SPATA16: variants seen among roughly 807,000 people sequenced by gnomAD.
The protein encoded by SPATA16 is spermatogenesis-associated protein 16.
In SPATA16, 36 loss-of-function variants were observed where a neutral mutation model predicts 63.3. The observed-to-expected ratio is 0.57, with a 90% CI of 0.44 to 0.75. SPATA16 has a LOEUF of 0.75. Ranked by LOEUF, SPATA16 falls within the 30% of genes least tolerant of loss-of-function variation. The pLI is 0.00. For missense variants in SPATA16, 646 were observed against 679.3 expected (o/e 0.95, Z 0.54); for synonymous variants, 203 against 216.7 (o/e 0.94, Z 0.56).
At chr3:172,986,739 G>C (rs13084672) in intron 4 of SPATA16, among the ~76,000 whole-genome samples, 12,978 of 152,216 alleles carry the variant, frequency 0.085, 736 homozygotes, top group East Asian at 0.15. Context: ...ATGGGGAGCT[G>C]TTGTACGGTT....
intron 6 of SPATA16, among the ~76,000 whole-genome samples, chr3:172,948,591 C>T (rs557030849): frequency 1.1e-4 from 16 of 152,138 alleles, no homozygotes; most frequent in Admixed American, 7.2e-4. Flanking sequence ...CTCAGCCACC[C>T]GAGTAGCTGG....
chr3:172,902,462 C>T (rs927004809), intron 10 of SPATA16, among the ~76,000 whole-genome samples: 4 of 152,166 alleles, frequency 2.6e-5, no homozygotes, highest in Non-Finnish European at 5.9e-5. Context: ...ACCCCTGTGC[C>T]TTAGGAAGAT....
At chr3:173,126,592 T>C (rs59371998) in intron 1 of SPATA16, among the ~76,000 whole-genome samples, 16,737 of 152,312 alleles carry the variant, frequency 0.11, 1,166 homozygotes, top group East Asian at 0.32. Context: ...ACTCTTTAAT[T>C]CTTTTTATAA....
At chr3:173,073,362 C>T (rs1736716821) in intron 2 of SPATA16, among the ~76,000 whole-genome samples, 1 of 152,216 alleles carries the variant, frequency 6.6e-6, no homozygotes, top group Non-Finnish European at 1.5e-5. Context: ...TGTCAGAGAC[C>T]TTCATGGCAG....
chr3:172,898,664 G>C (rs1370472588), intron 10 of SPATA16, among the ~76,000 whole-genome samples: 1 of 150,800 alleles, frequency 6.6e-6, no homozygotes, highest in African/African-American at 2.4e-5. Context: ...CAAAGAACCA[G>C]CTCCTTGTGG....
intron 10 of SPATA16, among the ~76,000 whole-genome samples, chr3:172,898,623 G>T (rs1732059360): frequency 6.9e-6 from 1 of 145,030 alleles, no homozygotes; most frequent in Non-Finnish European, 1.5e-5. Context: ...AGTCTTGCTA[G>T]ATTTTTTTTT....
chr3:173,123,336 G>A (rs1738134387), intron 1 of SPATA16, among the ~76,000 whole-genome samples: 1 of 152,124 alleles, frequency 6.6e-6, no homozygotes. Context: ...TACCAGGAGA[G>A]TTTACCAAAC....
chr3:173,009,475 G>A (rs569981807), intron 4 of SPATA16, among the ~76,000 whole-genome samples: 3 of 152,352 alleles, frequency 2.0e-5, no homozygotes, highest in African/African-American at 7.2e-5. Context: ...GACACAGAGA[G>A]CTGCCTGGAA....
At chr3:172,913,560 C>G (rs900155542) in intron 10 of SPATA16, 101 bp downstream of exon 10, 3 of 1,182,940 alleles carry the variant, frequency 2.5e-6, no homozygotes, top group South Asian at 1.3e-5. Flanking sequence ...AAAAACAAAC[C>G]AAAGAACTTG....
chr3:173,076,396 A>T (rs7618086), intron 2 of SPATA16, among the ~76,000 whole-genome samples: 4,111 of 149,092 alleles, frequency 0.028, 184 homozygotes, highest in African/African-American at 0.094. Context: ...TTAGTATAAA[A>T]TTTTTTTTTT....
chr3:173,137,554 C>T (rs1417625167), intron 1 of SPATA16, among the ~76,000 whole-genome samples: 5 of 152,108 alleles, frequency 3.3e-5, no homozygotes, highest in Non-Finnish European at 5.9e-5. Flanking sequence ...ACTAAAACTT[C>T]CTCCTTTTCT....
intron 5 of SPATA16, among the ~76,000 whole-genome samples, chr3:172,962,569 T>A (rs1013500272): frequency 1.3e-4 from 20 of 152,296 alleles, no homozygotes; most frequent in African/African-American, 4.8e-4. Flanking sequence ...AAACATGGCA[T>A]TTAAAGAGAT....
intron 10 of SPATA16, among the ~76,000 whole-genome samples, chr3:172,912,869 A>G (rs935365952): frequency 5.9e-5 from 9 of 152,214 alleles, no homozygotes; most frequent in African/African-American, 1.9e-4. Flanking sequence ...GGTCAACTGT[A>G]TATCACAGGG....
chr3:173,082,149 C>T lies in SPATA16; in HGVS notation c.613-33055G>A, dbSNP rs530334706. On this transcript the variant is annotated intron_variant, in intron 2 of 10. Transcript: ENST00000351008. ...TGTCCCCATAGCACCTTGTACCAGG[C>T]GTACCCCAACATTTGCAGGGCCTGG... 5.1e-4 allele frequency among the ~76,000 whole-genome samples: 77 copies of T among 152,216 alleles called. No individual in the cohort carries two copies. The South Asian group carries it at 0.01, about 21-fold the overall frequency.
At position 172,902,669 on chromosome 3, in the gene SPATA16, A is replaced by T. The variant is rs369181230; in HGVS notation, c.1587+10992T>A. 1.1e-4 allele frequency among the ~76,000 whole-genome samples: 16 copies of T among 152,308 alleles called. No individual in the cohort carries two copies. The East Asian group carries it at 2.7e-3, about 26-fold the overall frequency. On this transcript the variant is annotated intron_variant, in intron 10 of 10. Transcript: ENST00000351008. Reference sequence around the variant, plus strand: ...ACATCTAAGTTAGGGTCTCTCCAACATATGTCCACACTCATCTTCTCACCA... The same window carrying T: ...ACATCTAAGTTAGGGTCTCTCCAACTTATGTCCACACTCATCTTCTCACCA...
rs370975218 is a variant in SPATA16 at position 173,139,855 on chromosome 3, T to C, written c.-19+1248A>G. On this transcript the variant is annotated intron_variant, in intron 1 of 10. Transcript: ENST00000351008. Reference sequence around the variant, plus strand: ...ACAAAATTAGCTGGGTGTGGTGGCGTGTGCTTGTAATCCCAGCTACTCAGG... The same window carrying C: ...ACAAAATTAGCTGGGTGTGGTGGCGCGTGCTTGTAATCCCAGCTACTCAGG... 1.7e-3 allele frequency among the ~76,000 whole-genome samples: 168 copies of C among 98,272 alleles called. 3 individuals carry two copies. The highest frequency in any genetic ancestry group is 6.2e-3 in the African/African-American group (152 of 24,498). 64.5% of individuals were successfully genotyped at this position (98,272 alleles called of 152,430 possible). A position where few individuals can be genotyped will look rare whatever the true frequency, so the allele number is the denominator to read the frequency against.
chr3:172,993,775 C>T (rs115867139), intron 4 of SPATA16, among the ~76,000 whole-genome samples: 4,584 of 152,232 alleles, frequency 0.03, 108 homozygotes, highest in African/African-American at 0.061. Context: ...CCCCCTCCCC[C>T]GCTTAAGATG....
rs138585334 is a variant in SPATA16, at chr3:172,903,532, T to A, written c.1587+10129A>T. Among the ~76,000 whole-genome samples the A allele has an allele frequency of 3.8e-3, 572 of 152,316 alleles. 4 individuals are homozygous for A. The highest frequency in any genetic ancestry group is 0.013 in the African/African-American group (545 of 41,564). On this transcript the variant is annotated intron_variant, in intron 10 of 10. Transcript: ENST00000351008. Reference sequence around the variant, plus strand: ...AAAACTTGGAGGGGTTATGGCAATATATGCTTATAAAATTGTGTTTTCACT... The same window carrying A: ...AAAACTTGGAGGGGTTATGGCAATAAATGCTTATAAAATTGTGTTTTCACT...
intron 3 of SPATA16, among the ~76,000 whole-genome samples, chr3:173,047,217 T>TA (rs1735978377): frequency 4.0e-5 from 6 of 151,666 alleles, no homozygotes; most frequent in Non-Finnish European, 7.4e-5. Flanking sequence ...TTTTTTTTTT[T>TA]ACTGAATTCT....
Sources: allele counts gnomAD v4.1 joint callset (sites outside exome capture counted in the v4.1 genomes callset), GRCh38; gene constraint gnomAD v4.1.1; transcripts MANE v1.5; gene names NCBI Gene and HGNC (gene_info 2026-07-23, HGNC 2026-07-21).